Variants in KCNH4 observed in about 807,000 individuals in gnomAD.
The protein encoded by KCNH4 is voltage-gated delayed rectifier potassium channel KCNH4.
A neutral mutation model predicts 90.7 loss-of-function variants in KCNH4; 33 were observed. The ratio of observed to expected loss-of-function variants is 0.36; its 90% CI spans 0.28 to 0.49. KCNH4 has a LOEUF of 0.49. KCNH4 is among the 20% of genes least tolerant of loss of function. The pLI, the probability that KCNH4 is intolerant of heterozygous loss-of-function variation, is 0.98. For missense variants in KCNH4, 1,044 were observed against 1,387.1 expected (o/e 0.75, Z 3.93); for synonymous variants, 551 against 581.7 (o/e 0.95, Z 0.76).
Position 42,166,479 on chromosome 17 carries a change from T to G in KCNH4, c.1658A>C (p.Gln553Pro). ...GCTCGCTGCCCCGAACAACGGCAGC[T>G]GCAGGATCTCCCGATTCAGGTGCAT... ...IAMHLNREILQLPLFGAASRG... is the reference protein window; with the variant it reads ...IAMHLNREILPLPLFGAASRG... Residue 553 changes from glutamine (Q) to proline (P), a missense_variant, in exon 10 of 17, where the codon CAG becomes CCG. Around this residue, in one of 4 missense-constraint regions of KCNH4, gnomAD observed 318 missense variants for 479.6 expected, o/e 0.66. Transcript: ENST00000264661. The G allele has an allele frequency of 6.2e-7, 1 of 1,614,092 alleles. No homozygotes were observed. The highest frequency in any genetic ancestry group is 8.5e-7 in the Non-Finnish European group (1 of 1,179,988).
rs775535559 is a variant in KCNH4 at position 42,170,342 on chromosome 17, C to T, written c.1196-41G>A. Reference sequence around the variant, plus strand: ...ATGCAGGGAGCCCTGGCTGTGCCAGCGGTGGAGAACCAGGGTTCCCTGAGC... The same window carrying T: ...ATGCAGGGAGCCCTGGCTGTGCCAGTGGTGGAGAACCAGGGTTCCCTGAGC... On this transcript the variant is annotated intron_variant, in intron 7 of 16. Coordinates refer to ENST00000264661, the MANE Select transcript of KCNH4 (RefSeq NM_012285.3). The T allele has an allele frequency of 4.9e-5, 75 of 1,521,450 alleles. No homozygotes were observed. In the Middle Eastern group the frequency reaches 1.1e-3, roughly 23 times the overall value. 94.2% of individuals were successfully genotyped at this position (1,521,450 alleles called of 1,614,324 possible). A position where few individuals can be genotyped will look rare whatever the true frequency, so the allele number is the denominator to read the frequency against.
At position 42,180,418 on chromosome 17, in the gene KCNH4, G is replaced by A. The variant is rs1454011612; in HGVS notation, c.76+452C>T. Among the ~76,000 whole-genome samples the A allele has an allele frequency of 6.6e-6, 1 of 152,040 alleles. No individual in the cohort carries two copies. The highest frequency in any genetic ancestry group is 1.5e-5 in the Non-Finnish European group (1 of 68,004). ...GACGCCCCACGATTTGGGGGCGCGC[G>A]ACCTCAATCCAAACTAGGTCCTGCT... On this transcript the variant is annotated intron_variant, in intron 1 of 16. Coordinates refer to ENST00000264661, the MANE Select transcript of KCNH4 (RefSeq NM_012285.3). This position sits in a 1 kb window ranked among gnomAD's most constrained non-coding sequence, Gnocchi z 4.7.
intron 7 of KCNH4, among the ~76,000 whole-genome samples, 182 bp from the exon 8 acceptor site, chr17:42,170,483 G>A (rs530001798): frequency 3.9e-5 from 6 of 152,360 alleles, no homozygotes; most frequent in South Asian, 2.1e-4. Context: ...TTCCAAGGCC[G>A]CCAACTAACT....
chr17:42,167,642 G>C (rs767136251), intron 9 of KCNH4, among the ~76,000 whole-genome samples: 12 of 152,078 alleles, frequency 7.9e-5, no homozygotes, highest in Non-Finnish European at 1.6e-4. Flanking sequence ...CTCTTGGTCT[G>C]ACCCGGGACT....
intron 16 of KCNH4, among the ~76,000 whole-genome samples, chr17:42,157,511 A>T (rs553094578): frequency 6.6e-6 from 1 of 152,276 alleles, no homozygotes; most frequent in African/African-American, 2.4e-5. Context: ...TGCAGAGCAG[A>T]TCCCATCTAA....
In KCNH4 at chr17:42,178,144, C is replaced by T. The variant is rs1000010324; in HGVS notation, c.541G>A (p.Gly181Ser). 4.2e-5 allele frequency: 67 copies of T among 1,614,012 alleles called. No homozygotes were observed. Among genetic ancestry groups the T allele is most frequent in the African/African-American group, 6.7e-5 (5 of 74,898 alleles). The part of the protein sequence containing the change: ...RSRTVLHRLT[G>S]HFGRRGQGGM... ...CCCTGGCCCCGGCGGCCAAAGTGGC[C>T]GGTCAGTCGGTGTAGGACAGTACGG... Residue 181 changes from glycine (G) to serine (S), a missense_variant, in exon 4 of 17, where the codon GGC becomes AGC. Physicochemically the swap from Gly to Ser is moderately conservative, Grantham distance 56 (BLOSUM62 0). Around this residue, in one of 4 missense-constraint regions of KCNH4, gnomAD observed 283 missense variants for 378.6 expected, o/e 0.75. Transcript: ENST00000264661.
chr17:42,161,779 G>A (rs1025751091), intron 15 of KCNH4, among the ~76,000 whole-genome samples: 2 of 152,176 alleles, frequency 1.3e-5, no homozygotes, highest in African/African-American at 4.8e-5. Context: ...ATTGGACCAG[G>A]CACATATGCA....
At position 42,160,988 on chromosome 17, in the gene KCNH4, G is replaced by A. The variant is rs536085716; in HGVS notation, c.2659-553C>T. On this transcript the variant is annotated intron_variant, in intron 15 of 16. Transcript: ENST00000264661. ...TGTTGCCAGGCTGGAGTGCAATGGCGCGATCTCAGCTCACTGCAAGCTCCG... is the reference window on the plus strand; with the variant it reads ...TGTTGCCAGGCTGGAGTGCAATGGCACGATCTCAGCTCACTGCAAGCTCCG... Among the ~76,000 whole-genome samples the A allele has an allele frequency of 2.4e-4, 33 of 137,280 alleles. 1 individual carries two copies. The East Asian group carries it at 5.4e-3, about 22-fold the overall frequency. The allele number at this position is 137,280 out of a possible 152,430, so 90.1% of individuals were successfully genotyped here.
Position 42,163,381 on chromosome 17 carries a change from GC to G in KCNH4, c.2478-48del. 7.1e-7 allele frequency: 1 copy of G among 1,408,252 alleles called. No individual in the cohort carries two copies. Among genetic ancestry groups the G allele is most frequent in the Non-Finnish European group, 1.0e-6 (1 of 998,498 alleles). The allele number at this position is 1,408,252 out of a possible 1,614,324, so 87.2% of individuals were successfully genotyped here. On this transcript the variant is annotated intron_variant, in intron 13 of 16. Transcript: ENST00000264661. The surrounding 1 kb of genome is among the most constrained non-coding windows in gnomAD (Gnocchi z 5.4). ...TCAGCACCATGGGGTGAGGGTAAGG[GC>G]CAGAGCAGAGCAGACAGAGGGGGAC...
intron 7 of KCNH4, 76 bp downstream of exon 7, chr17:42,171,712 G>T (rs2079827982): frequency 7.8e-7 from 1 of 1,276,032 alleles, no homozygotes; most frequent in Non-Finnish European, 1.1e-6. Flanking sequence ...AGGGGTGTGG[G>T]TACTGGTGGA....
At chr17:42,165,384 G>A in intron 11 of KCNH4, 65 bp downstream of exon 11, 1 of 1,588,120 alleles carries the variant, frequency 6.3e-7, no homozygotes, top group Non-Finnish European at 8.6e-7. Flanking sequence ...GGACTCTCAG[G>A]CTGGGGAGGT....
rs148548591 is a variant in KCNH4, at chr17:42,170,243, G to A, written c.1254C>T (p.Gly418=). ...LEVPYVNGSV[G]GPSRRSAYIA... ...TGTAGGCGCTGCGCCGTGATGGGCC[G>A]CCCACCGAGCCATTGACATAGGGCA... The change falls in exon 8 of 17, where the codon GGC becomes GGT. Residue 418 remains glycine, a synonymous_variant. Coordinates refer to ENST00000264661, the MANE Select transcript of KCNH4 (RefSeq NM_012285.3). The A allele has an allele frequency of 7.2e-5, 116 of 1,608,212 alleles. No homozygotes were observed. In the African/African-American group the frequency reaches 1.2e-3, roughly 17 times the overall value.
In KCNH4 at chr17:42,159,880, G is replaced by A. The variant is rs1568030221; in HGVS notation, c.*160C>T. 5.9e-6 allele frequency: 3 copies of A among 506,136 alleles called. No homozygotes were observed. The highest frequency in any genetic ancestry group is 3.8e-5 in the Admixed American group (1 of 26,442). The allele number at this position is 506,136 out of a possible 1,614,324, so 31.4% of individuals were successfully genotyped here. A position where few individuals can be genotyped will look rare whatever the true frequency, so the allele number is the denominator to read the frequency against. On this transcript the variant is annotated 3_prime_UTR_variant, in exon 16 of 17. Transcript: ENST00000264661. ...GGGAAGGCTTGGAAAAGGGAATAGC[G>A]TCAGAGGTAACCACGCTTCATTAAA...
chr17:42,168,477 C>A (rs1326903039), intron 9 of KCNH4, among the ~76,000 whole-genome samples: 1 of 152,128 alleles, frequency 6.6e-6, no homozygotes, highest in Non-Finnish European at 1.5e-5. Context: ...AACCCCGTCT[C>A]TACTAAGAAT....
At chr17:42,168,187 A>G (rs984061292) in intron 9 of KCNH4, among the ~76,000 whole-genome samples, 1 of 151,906 alleles carries the variant, frequency 6.6e-6, no homozygotes, top group Non-Finnish European at 1.5e-5. Context: ...GCCTCCCTCA[A>G]TACTCTGGGT....
At position 42,181,114 on chromosome 17, in the gene KCNH4, T is replaced by TCTCGG. The variant is rs1406894367; in HGVS notation, c.-174_-170dup. ...CTGCCTCTGCTCCGAACCCCGTAGC[T>TCTCGG]CTCGGCTCGGCTCAGCGCCGTTTCG... On this transcript the variant is annotated 5_prime_UTR_variant, in exon 1 of 17. Coordinates refer to ENST00000264661, the MANE Select transcript of KCNH4 (RefSeq NM_012285.3). The TCTCGG allele has an allele frequency of 1.7e-6, 1 of 599,066 alleles. No individual in the cohort carries two copies. Among genetic ancestry groups the TCTCGG allele is most frequent in the African/African-American group, 2.0e-5 (1 of 50,222 alleles). 37.1% of individuals were successfully genotyped at this position (599,066 alleles called of 1,614,324 possible).
At position 42,159,766 on chromosome 17, in the gene KCNH4, T is replaced by A. The variant is rs140206083; in HGVS notation, c.*274A>T. 2.8e-5 allele frequency: 9 copies of A among 316,892 alleles called. No individual in the cohort carries two copies. In the East Asian group the frequency reaches 4.0e-4, roughly 14 times the overall value. 19.6% of individuals were successfully genotyped at this position (316,892 alleles called of 1,614,324 possible). On this transcript the variant is annotated 3_prime_UTR_variant, in exon 16 of 17. Transcript: ENST00000264661. Reference sequence around the variant, plus strand: ...GTCCTGGGGAGAAAGTAGGATCTCATCTGCCCAGCCCAATGGGCACTGCGG... The same window carrying A: ...GTCCTGGGGAGAAAGTAGGATCTCAACTGCCCAGCCCAATGGGCACTGCGG...
In KCNH4 at chr17:42,159,939, G is replaced by T; in HGVS notation, c.*101C>A. On this transcript the variant is annotated 3_prime_UTR_variant, in exon 16 of 17. Coordinates refer to ENST00000264661, the MANE Select transcript of KCNH4 (RefSeq NM_012285.3). ...AAATCCAGAGCCAACCAGGCCAGCT[G>T]GTGGCTGCTGACCCCAAGGCAGGAA... 1 of 858,656 alleles carries T rather than the reference G, an allele frequency of 1.2e-6. No individual in the cohort carries two copies. The highest frequency in any genetic ancestry group is 1.7e-6 in the Non-Finnish European group (1 of 599,520). 53.2% of individuals were successfully genotyped at this position (858,656 alleles called of 1,614,324 possible).
At chr17:42,175,894 A>C (rs1372791411) in intron 5 of KCNH4, among the ~76,000 whole-genome samples, 158 bp from the exon 6 acceptor site, 1 of 151,950 alleles carries the variant, frequency 6.6e-6, no homozygotes, top group African/African-American at 2.4e-5. Flanking sequence ...ACAAGGCTGA[A>C]GGCTGCGGGG....
Sources: allele counts gnomAD v4.1 joint callset (sites outside exome capture counted in the v4.1 genomes callset), GRCh38; gene constraint gnomAD v4.1.1; regional missense constraint gnomAD v4.1.1; non-coding constraint Gnocchi (gnomAD v3.1); transcripts MANE v1.5; gene names NCBI Gene and HGNC (gene_info 2026-07-23, HGNC 2026-07-21).